Variants in DAG1 observed in about 807,000 individuals in gnomAD.
The protein encoded by DAG1 is dystroglycan 1.
DAG1 carries 8 observed loss-of-function variants against 46.1 expected under a neutral mutation model. The observed-to-expected ratio is 0.17, with a 90% CI of 0.10 to 0.31. The LOEUF is 0.31. DAG1 is among the 10% of genes least tolerant of loss of function. The probability of loss-of-function intolerance (pLI) is 1.00; values close to 1 mark genes in which losing one functional copy is unlikely to be tolerated. For missense variants in DAG1, 1,003 were observed against 1,189.9 expected (o/e 0.84, Z 2.31); for synonymous variants, 495 against 481.8 (o/e 1.03, Z -0.36).
rs969302268 is a variant in DAG1 at position 49,530,828 on chromosome 3, C to T, written c.317C>T (p.Ser106Phe). 6.2e-7 allele frequency: 1 copy of T among 1,614,220 alleles called. No homozygotes were observed. The highest frequency in any genetic ancestry group is 8.5e-7 in the Non-Finnish European group (1 of 1,180,032). Residue 106 changes from serine to phenylalanine, a missense_variant, in exon 3 of 3, where the codon TCT becomes TTT. Physicochemically the swap from Ser to Phe is radical, Grantham distance 155. Coordinates refer to ENST00000308775, the MANE Select transcript of DAG1 (RefSeq NM_004393.6). ...VSAAGKEALP[S>F]WLHWDSQSHT... is the part of the protein sequence containing the mutation. ...GCGGCAGGGAAGGAGGCTTTGCCAT[C>T]TTGGCTGCACTGGGACTCACAGAGC... is the stretch of plus-strand genomic sequence containing the variant.
intron 1 of DAG1, among the ~76,000 whole-genome samples, chr3:49,473,543 T>G (rs2049588809): frequency 1.3e-5 from 2 of 152,066 alleles, no homozygotes; most frequent in South Asian, 4.1e-4. Context: ...GTGTTCATCC[T>G]TGTGGAGGCA....
intron 2 of DAG1, among the ~76,000 whole-genome samples, chr3:49,528,405 C>T (rs2051249378): frequency 6.7e-6 from 1 of 148,656 alleles, no homozygotes; most frequent in African/African-American, 2.5e-5. Context: ...GTGCATCAGC[C>T]TCCCGACTAG....
chr3:49,514,805 A>ATGTG lies in DAG1; in HGVS notation c.285+4014_285+4017dup, dbSNP rs138689783. 9.6e-3 allele frequency among the ~76,000 whole-genome samples: 1,403 copies of ATGTG among 145,618 alleles called. 10 individuals carry two copies. Among genetic ancestry groups the ATGTG allele is most frequent in the African/African-American group, 0.012 (454 of 39,292 alleles). On this transcript the variant is annotated intron_variant, in intron 2 of 2. Coordinates refer to ENST00000308775, the MANE Select transcript of DAG1 (RefSeq NM_004393.6). ...AGGCTTGAACCACCACTCCTGGCAT[A>ATGTG]TGTGTGTGTGTGTGTGTGTGTGTGT... is the stretch of plus-strand genomic sequence containing the variant.
chr3:49,507,423 C>T (rs992662232), intron 1 of DAG1, among the ~76,000 whole-genome samples: 7 of 151,860 alleles, frequency 4.6e-5, no homozygotes, highest in African/African-American at 1.2e-4. Context: ...ATTAGCTGGG[C>T]GTAGTGGTGG....
chr3:49,484,808 T>G (rs972213083), intron 1 of DAG1, among the ~76,000 whole-genome samples: 1 of 151,774 alleles, frequency 6.6e-6, no homozygotes, highest in Non-Finnish European at 1.5e-5. Flanking sequence ...TTTTTTTTTT[T>G]TTTTTGAGAC....
In DAG1 at chr3:49,534,797, T is replaced by C. The variant is rs1428775597; in HGVS notation, c.*1598T>C. The C allele has an allele frequency of 1.3e-5, 2 of 152,634 alleles. No homozygotes were observed. Among genetic ancestry groups the C allele is most frequent in the Non-Finnish European group, 2.9e-5 (2 of 68,052 alleles). 9.5% of individuals were successfully genotyped at this position (152,634 alleles called of 1,614,324 possible). A position where few individuals can be genotyped will look rare whatever the true frequency, so the allele number is the denominator to read the frequency against. On this transcript the variant is annotated 3_prime_UTR_variant, in exon 3 of 3. Coordinates refer to ENST00000308775, the MANE Select transcript of DAG1 (RefSeq NM_004393.6). Reference sequence around the variant, plus strand: ...TTTTCTTGATGTCTGAAGCGTTATTTTGGGTACTTTTTAGGGAGGAATGCC... The same window carrying C: ...TTTTCTTGATGTCTGAAGCGTTATTCTGGGTACTTTTTAGGGAGGAATGCC...
intron 2 of DAG1, among the ~76,000 whole-genome samples, chr3:49,511,941 A>T (rs558586242): frequency 7.2e-4 from 110 of 152,290 alleles, no homozygotes; most frequent in African/African-American, 2.5e-3. Context: ...TTTACGGTGG[A>T]TACTTTTTCT....
At chr3:49,481,970 A>T (rs1481632632) in intron 1 of DAG1, among the ~76,000 whole-genome samples, 1 of 152,148 alleles carries the variant, frequency 6.6e-6, no homozygotes, top group Non-Finnish European at 1.5e-5. Context: ...ACATGAATAA[A>T]CTTTTATCAT....
Position 49,531,966 on chromosome 3 carries a change from T to A in DAG1, c.1455T>A (p.Ser485Arg), listed in dbSNP as rs2051362874. 1 of 1,614,128 alleles carries A rather than the reference T, an allele frequency of 6.2e-7. No homozygotes were observed. Among genetic ancestry groups the A allele is most frequent in the Admixed American group, 1.7e-5 (1 of 60,024 alleles). The change falls in exon 3 of 3, where the codon AGT becomes AGA. Residue 485 changes from serine (S) to arginine (R), a missense_variant. Physicochemically the swap from Ser to Arg is moderately radical, Grantham distance 110 (BLOSUM62 -1). Around this residue, in one of 3 missense-constraint regions of DAG1, gnomAD observed 755 missense variants for 854.1 expected, o/e 0.88. Coordinates refer to ENST00000308775, the MANE Select transcript of DAG1 (RefSeq NM_004393.6). The surrounding 1 kb of genome is among the most constrained non-coding windows in gnomAD (Gnocchi z 7.0). ...CTACTCGTATTCGCACCACCACCAG[T>A]GGAGTGCCCCGTGGCGGAGAACCCA... ...SPPTRIRTTT[S>R]GVPRGGEPNQ... is the part of the protein sequence containing the mutation.
chr3:49,507,593 A>G (rs1437169405), intron 1 of DAG1, among the ~76,000 whole-genome samples: 1 of 152,002 alleles, frequency 6.6e-6, no homozygotes, highest in East Asian at 1.9e-4. Flanking sequence ...AAAAAATTAC[A>G]AATTCAATTT....
At chr3:49,470,767 T>G (rs2049496502) in intron 1 of DAG1, among the ~76,000 whole-genome samples, 1 of 152,306 alleles carries the variant, frequency 6.6e-6, no homozygotes, top group Non-Finnish European at 1.5e-5. Flanking sequence ...GCCGCCTCCC[T>G]GGCTTCCAAT....
chr3:49,473,967 T>G (rs1247382429), intron 1 of DAG1, among the ~76,000 whole-genome samples: 1 of 151,028 alleles, frequency 6.6e-6, no homozygotes, highest in African/African-American at 2.4e-5. Flanking sequence ...CACTGCAGCC[T>G]CGACCAGCCT....
chr3:49,531,473 T>C lies in DAG1; in HGVS notation c.962T>C (p.Val321Ala), dbSNP rs1297133424. ...RRQIHATPTP[V>A]TAIGPPTTAI... ...CAGATCCATGCTACACCCACACCTGTCACTGCCATTGGGCCCCCAACCACG... is the reference window on the plus strand; with the variant it reads ...CAGATCCATGCTACACCCACACCTGCCACTGCCATTGGGCCCCCAACCACG... The change falls in exon 3 of 3, where the codon GTC becomes GCC. Residue 321 changes from valine (V) to alanine (A), a missense_variant. Coordinates refer to ENST00000308775, the MANE Select transcript of DAG1 (RefSeq NM_004393.6). This position sits in a 1 kb window ranked among gnomAD's most constrained non-coding sequence, Gnocchi z 7.0. 6.2e-7 allele frequency: 1 copy of C among 1,613,806 alleles called. No homozygotes were observed. The highest frequency in any genetic ancestry group is 8.5e-7 in the Non-Finnish European group (1 of 1,179,906).
intron 1 of DAG1, among the ~76,000 whole-genome samples, chr3:49,489,838 C>A (rs1367455173): frequency 6.6e-6 from 1 of 151,774 alleles, no homozygotes. Flanking sequence ...TTGAATCATG[C>A]TGTCTGGGGG....
At chr3:49,506,743 CA>C (rs1483586812) in intron 1 of DAG1, among the ~76,000 whole-genome samples, 1 of 151,998 alleles carries the variant, frequency 6.6e-6, no homozygotes, top group Non-Finnish European at 1.5e-5. Context: ...TGTCTGTTTT[CA>C]TGATAGATAC....
chr3:49,503,497 G>A (rs1283611149), intron 1 of DAG1, among the ~76,000 whole-genome samples: 3 of 152,046 alleles, frequency 2.0e-5, no homozygotes, highest in African/African-American at 7.2e-5. Context: ...CCCAGCCTGT[G>A]GTTAGCCATT....
Position 49,501,816 on chromosome 3 carries a change from A to AC in DAG1, c.-116-8603_-116-8602insC, listed in dbSNP as rs1181643802. On this transcript the variant is annotated intron_variant, in intron 1 of 2. Coordinates refer to ENST00000308775, the MANE Select transcript of DAG1 (RefSeq NM_004393.6). ...GTGACAGAGTGAGACTCCCTCTCCA[A>AC]AAAAAAAAAAAAGGATTAAAATGCA... Among the ~76,000 whole-genome samples the AC allele has an allele frequency of 3.4e-5, 5 of 147,958 alleles. No homozygotes were observed. The East Asian group carries it at 7.8e-4, about 23-fold the overall frequency.
intron 1 of DAG1, among the ~76,000 whole-genome samples, chr3:49,497,677 T>C (rs1039873721): frequency 6.6e-6 from 1 of 152,134 alleles, no homozygotes; most frequent in Non-Finnish European, 1.5e-5. Flanking sequence ...AATATAAAAC[T>C]TAACCATCTT....
intron 1 of DAG1, among the ~76,000 whole-genome samples, chr3:49,479,201 A>G (rs199626387): frequency 3.3e-5 from 5 of 152,184 alleles, no homozygotes; most frequent in South Asian, 2.1e-4. Flanking sequence ...CCTTCCATCT[A>G]TCCCCTCAGC....
Sources: gnomAD v4.1 joint callset for allele counts (sites outside exome capture counted in the v4.1 genomes callset) on GRCh38, gnomAD v4.1.1 for gene constraint, gnomAD v4.1.1 regional missense constraint, Gnocchi (gnomAD v3.1) non-coding constraint, MANE v1.5 for transcripts, NCBI Gene and HGNC (gene_info 2026-07-23, HGNC 2026-07-21) for gene names.